Variants in PRKD2 observed in about 807,000 individuals in gnomAD.
The protein encoded by PRKD2 is protein kinase D2.
Under a neutral mutation model 86.0 loss-of-function variants are expected in PRKD2, and 22 were observed. That is an observed-to-expected ratio of 0.26 (90% CI 0.18 to 0.37). The LOEUF (loss-of-function observed/expected upper bound fraction) is 0.37. Ranked by LOEUF, PRKD2 falls within the 10% of genes least tolerant of loss-of-function variation. The probability of loss-of-function intolerance (pLI) is 1.00; values close to 1 mark genes in which losing one functional copy is unlikely to be tolerated. For synonymous variants in PRKD2, 509 were observed against 510.9 expected (o/e 1.00, Z 0.05); for missense variants, 818 against 1,199.2 (o/e 0.68, Z 4.70).
chr19:46,678,423 T>TGGCC lies in PRKD2; in HGVS notation c.2307_2310dup (p.Ser771GlyfsTer13), dbSNP rs1285205940. On this transcript the variant is annotated frameshift_variant, in exon 16 of 18. Transcript: ENST00000291281. LOFTEE classifies it high-confidence loss of function. This position sits in a 1 kb window ranked among gnomAD's most constrained non-coding sequence, Gnocchi z 5.7. ...CCAGCTGAGATGTGGCTCCAGGGGC[T>TGGCC]GGCCGGGTACATGAAGGCGGCGTTC... The TGGCC allele has an allele frequency of 6.2e-7, 1 of 1,614,078 alleles. No individual in the cohort carries two copies. Among genetic ancestry groups the TGGCC allele is most frequent in the Admixed American group, 1.7e-5 (1 of 60,010 alleles).
intron 2 of PRKD2, 91 bp from the exon 3 acceptor site, chr19:46,711,129 A>G: frequency 2.1e-6 from 3 of 1,462,212 alleles, no homozygotes; most frequent in South Asian, 1.3e-5. Context: ...CAGTGCTCCC[A>G]GCCGCAAGGT....
At chr19:46,709,091 C>T (rs1204433338) in intron 3 of PRKD2, among the ~76,000 whole-genome samples, 1 of 151,366 alleles carries the variant, frequency 6.6e-6, no homozygotes, top group Non-Finnish European at 1.5e-5. Context: ...ATTCTCCTAC[C>T]TCAGCCTCCC....
rs775446787 is a variant in PRKD2 at position 46,694,098 on chromosome 19, G to A, written c.1353C>T (p.Ser451=). The stretch of plus-strand genomic sequence containing the variant: ...GCGGCACAAGGCTGAAGTTCTGGGC[G>A]GACTCCACCGTGAGGATTTCTGACA... ...IPLSEILTVE[S]AQNFSLVPPG... is the part of the protein sequence containing the mutation. The change falls in exon 10 of 18, where the codon TCC becomes TCT. Residue 451 remains serine, a synonymous_variant. Coordinates refer to ENST00000291281, the MANE Select transcript of PRKD2 (RefSeq NM_016457.5). 1.4e-5 allele frequency: 23 copies of A among 1,613,980 alleles called. No homozygotes were observed. The highest frequency in any genetic ancestry group is 1.8e-5 in the Non-Finnish European group (21 of 1,179,996).
chr19:46,689,694 A>T lies in PRKD2; in HGVS notation c.1814T>A (p.Leu605Gln). 1 of 1,613,968 alleles carries T rather than the reference A, an allele frequency of 6.2e-7. No individual in the cohort carries two copies. Among genetic ancestry groups the T allele is most frequent in the East Asian group, 2.2e-5 (1 of 44,884 alleles). Residue 605 changes from leucine (L) to glutamine (Q), a missense_variant, in exon 14 of 18, where the codon CTG (leucine) becomes CAG (glutamine). By Grantham distance (113) the Leu-to-Gln change is moderately radical. Around this residue, in one of 5 missense-constraint regions of PRKD2, gnomAD observed 154 missense variants for 359.6 expected, o/e 0.43. Transcript: ENST00000291281. ...CAGGTTCACGATCCCGGGATGCCGC[A>T]GGCTCTGCAGGGTGGGGAGCGGGGT... ...LRNEVAILQS[L>Q]RHPGIVNLEC...
In PRKD2 at chr19:46,693,266, G is replaced by A. The variant is rs568808140; in HGVS notation, c.1576+609C>T. On this transcript the variant is annotated intron_variant, in intron 10 of 17. Coordinates refer to ENST00000291281, the MANE Select transcript of PRKD2 (RefSeq NM_016457.5). This position sits in a 1 kb window ranked among gnomAD's most constrained non-coding sequence, Gnocchi z 4.5. ...CTGGACTCTGAGCCCCATGAGGGCA[G>A]GTCTTGGGCTGTCCTGGCCACCACT... Among the ~76,000 whole-genome samples the A allele has an allele frequency of 6.6e-6, 1 of 152,302 alleles. No homozygotes were observed. Among genetic ancestry groups the A allele is most frequent in the South Asian group, 2.1e-4 (1 of 4,826 alleles).
At chr19:46,697,637 G>T in intron 8 of PRKD2, 96 bp downstream of exon 8, 2 of 1,180,808 alleles carry the variant, frequency 1.7e-6, no homozygotes, top group Non-Finnish European at 2.5e-6. Flanking sequence ...CTCGCGCCTA[G>T]CTCCAGCCCC....
intron 14 of PRKD2, among the ~76,000 whole-genome samples, chr19:46,688,524 C>T (rs2053434588): frequency 6.6e-6 from 1 of 151,088 alleles, no homozygotes; most frequent in African/African-American, 2.4e-5. Flanking sequence ...GTAACCTCTG[C>T]CTCCTGGGCT....
chr19:46,675,583 A>G (rs1457282409), intron 16 of PRKD2, among the ~76,000 whole-genome samples: 1 of 152,128 alleles, frequency 6.6e-6, no homozygotes, highest in African/African-American at 2.4e-5. Context: ...AGCTAGGAAT[A>G]CAGGTGTGTG....
At chr19:46,690,885 G>A (rs1227448460) in intron 12 of PRKD2, among the ~76,000 whole-genome samples, 179 bp from the exon 13 acceptor site, 1 of 152,128 alleles carries the variant, frequency 6.6e-6, no homozygotes, top group African/African-American at 2.4e-5. Flanking sequence ...GGGAGTAAAG[G>A]CAGAAAGAAG....
In PRKD2 at chr19:46,674,343, G is replaced by T; in HGVS notation, c.*180C>A. 1.6e-6 allele frequency: 1 copy of T among 642,078 alleles called. No homozygotes were observed. Among genetic ancestry groups the T allele is most frequent in the Non-Finnish European group, 2.7e-6 (1 of 376,972 alleles). The allele number at this position is 642,078 out of a possible 1,614,324, so 39.8% of individuals were successfully genotyped here. A position where few individuals can be genotyped will look rare whatever the true frequency, so the allele number is the denominator to read the frequency against. ...CTGAGATCAAGGCCATGGGGCCAGA[G>T]ATGAGTCCGTTTTAATTGCTGGGGA... is the stretch of plus-strand genomic sequence containing the variant. On this transcript the variant is annotated 3_prime_UTR_variant, in exon 18 of 18. Coordinates refer to ENST00000291281, the MANE Select transcript of PRKD2 (RefSeq NM_016457.5).
intron 7 of PRKD2, among the ~76,000 whole-genome samples, chr19:46,699,871 G>A (rs899673844): frequency 6.8e-6 from 1 of 146,598 alleles, no homozygotes; most frequent in Admixed American, 6.9e-5. Context: ...TTGCTTGAGC[G>A]CAGAAGTTCA....
intron 14 of PRKD2, among the ~76,000 whole-genome samples, chr19:46,687,091 A>G (rs2053410948): frequency 6.6e-6 from 1 of 152,158 alleles, no homozygotes; most frequent in Admixed American, 6.5e-5. Flanking sequence ...AAAAAAAAAG[A>G]AACGCAGAAC....
At chr19:46,705,897 C>A (rs1181772268) in intron 3 of PRKD2, among the ~76,000 whole-genome samples, 4 of 152,132 alleles carry the variant, frequency 2.6e-5, no homozygotes, top group Non-Finnish European at 5.9e-5. Flanking sequence ...TCTCCCTGTA[C>A]CCCCGGCTGA....
chr19:46,705,148 T>C (rs2053696398), intron 3 of PRKD2, among the ~76,000 whole-genome samples: 1 of 138,378 alleles, frequency 7.2e-6, no homozygotes, highest in African/African-American at 2.8e-5. Flanking sequence ...TGAACGCGCC[T>C]CACACCCCAC....
At position 46,694,126 on chromosome 19, in the gene PRKD2, G is replaced by A. The variant is rs763539356; in HGVS notation, c.1325C>T (p.Pro442Leu). 6.2e-7 allele frequency: 1 copy of A among 1,613,464 alleles called. No homozygotes were observed. ...CTCCACCGTGAGGATTTCTGACAGC[G>A]GAATTTCCTGCAGGACGTGGAACCA... ...NTTNRYYKEI[P>L]LSEILTVESA... is the part of the protein sequence containing the mutation. The change falls in exon 10 of 18, where the codon CCG becomes CTG. Residue 442 changes from proline (P) to leucine (L), a missense_variant. By Grantham distance (98) the Pro-to-Leu change is moderately conservative. This residue lies in a region of PRKD2 where 127 missense variants were observed against 157.8 expected (regional missense o/e 0.80). Transcript: ENST00000291281.
At chr19:46,709,514 C>T (rs1243430208) in intron 3 of PRKD2, among the ~76,000 whole-genome samples, 3 of 151,984 alleles carry the variant, frequency 2.0e-5, no homozygotes, top group Admixed American at 1.3e-4. Context: ...CAGGCGTCCA[C>T]CAACACGCCG....
chr19:46,690,166 T>C (rs891545419), intron 13 of PRKD2, among the ~76,000 whole-genome samples: 1 of 152,116 alleles, frequency 6.6e-6, no homozygotes, highest in African/African-American at 2.4e-5. Flanking sequence ...CCCTCTCACA[T>C]TCTCCAGTCC....
intron 16 of PRKD2, chr19:46,677,095 A>G (rs545925677): frequency 4.2e-5 from 6 of 142,054 alleles, no homozygotes; most frequent in African/African-American, 1.6e-4. Flanking sequence ...GAGCACCCCC[A>G]ATATTACTCC....
At chr19:46,680,860 C>A (rs2053288112) in intron 15 of PRKD2, among the ~76,000 whole-genome samples, 1 of 147,228 alleles carries the variant, frequency 6.8e-6, no homozygotes, top group African/African-American at 2.5e-5. Flanking sequence ...TGAGCCACCT[C>A]CCCTGGCCTT....
Sources: gnomAD v4.1 joint callset for allele counts (sites outside exome capture counted in the v4.1 genomes callset) on GRCh38, gnomAD v4.1.1 for gene constraint, gnomAD v4.1.1 regional missense constraint, Gnocchi (gnomAD v3.1) non-coding constraint, MANE v1.5 for transcripts, NCBI Gene and HGNC (gene_info 2026-07-23, HGNC 2026-07-21) for gene names.